Variants in PHKA1 observed in about 807,000 individuals in gnomAD.
PHKA1 encodes the protein phosphorylase b kinase regulatory subunit alpha, skeletal muscle isoform.
In PHKA1, 60 loss-of-function variants were observed where a neutral mutation model predicts 110.2. That is an observed-to-expected ratio of 0.54 (90% CI 0.44 to 0.68). The LOEUF is 0.68. Among genes scored for constraint, PHKA1 ranks in the 30% least tolerant of loss-of-function variants. The pLI, the probability that PHKA1 is intolerant of heterozygous loss-of-function variation, is 0.00. For synonymous variants in PHKA1, 316 were observed against 333.6 expected, an observed-to-expected ratio of 0.95 and a Z score of 0.58; for missense variants, 801 against 942.5, an observed-to-expected ratio of 0.85 and a Z score of 1.97.
intron 26 of PHKA1, among the ~76,000 whole-genome samples, chrX:72,602,837 G>A (rs2052675369): frequency 8.9e-6 from 1 of 112,087 alleles, no homozygotes; most frequent in African/African-American, 3.2e-5. Context: ...GATATGGGTT[G>A]CTAGTTGTCC....
chrX:72,597,104 T>A (rs192159385), intron 28 of PHKA1, among the ~76,000 whole-genome samples: 121 of 111,994 alleles, frequency 1.1e-3, no homozygotes, highest in African/African-American at 3.9e-3. Flanking sequence ...ACACAAAAAT[T>A]AAGCCCATTG....
At position 72,609,718 on chromosome X, in the gene PHKA1, C is replaced by T. The variant is rs2052779282; in HGVS notation, c.2527-15G>A. ...TCTGTGCAGGCCTAACAAGAGATAG[C>T]ATAATATTATCGTTTCTGTAACACC... On this transcript the variant is annotated splice_polypyrimidine_tract_variant and intron_variant, in intron 22 of 31. Coordinates refer to ENST00000373542, the MANE Select transcript of PHKA1 (RefSeq NM_002637.4). 3 of 1,133,969 alleles carry T rather than the reference C, an allele frequency of 2.6e-6. No homozygotes were observed. The South Asian group carries it at 5.4e-5, about 21-fold the overall frequency. 93.5% of individuals were successfully genotyped at this position (1,133,969 alleles called of 1,213,427 possible).
At position 72,683,580 on chromosome X, in the gene PHKA1, TAATG is replaced by T. The variant is rs781874628; in HGVS notation, c.537+914_537+917del. Among the ~76,000 whole-genome samples the T allele has an allele frequency of 3.7e-3, 419 of 112,664 alleles. 1 individual carries two copies. The highest frequency in any genetic ancestry group is 0.013 in the African/African-American group (408 of 31,087). ...TTCATGCGTGAAACTATCATCATAA[TAATG>T]AATATTTGTAAAATTTCCAAAAGTC... On this transcript the variant is annotated intron_variant, in intron 5 of 31. Transcript: ENST00000373542.
At chrX:72,607,554 A>C (rs1326425929) in intron 23 of PHKA1, among the ~76,000 whole-genome samples, 1 of 111,818 alleles carries the variant, frequency 8.9e-6, no homozygotes, top group Non-Finnish European at 1.9e-5. Flanking sequence ...CCATTTGCCC[A>C]TTTTTAAAAC....
intron 5 of PHKA1, among the ~76,000 whole-genome samples, chrX:72,682,230 A>T (rs2053900262): frequency 1.2e-5 from 1 of 83,003 alleles, no homozygotes; most frequent in African/African-American, 4.4e-5. Flanking sequence ...CCCGTCCGGG[A>T]GGGAGGTTGG....
chrX:72,694,445 A>G (rs1255277529), intron 4 of PHKA1, among the ~76,000 whole-genome samples: 1 of 112,030 alleles, frequency 8.9e-6, no homozygotes, highest in Middle Eastern at 4.2e-3. Flanking sequence ...GCTAGTCCCA[A>G]CCTTCTAGTT....
intron 28 of PHKA1, among the ~76,000 whole-genome samples, chrX:72,600,088 G>A (rs1353079515): frequency 9.1e-6 from 1 of 110,076 alleles, no homozygotes; most frequent in Non-Finnish European, 1.9e-5. Context: ...AATCAGAAAA[G>A]AGGGCATTCT....
Position 72,611,009 on chromosome X carries a change from A to T in PHKA1, c.2526+19T>A. The T allele has an allele frequency of 8.5e-7, 1 of 1,172,645 alleles. No individual in the cohort carries two copies. The highest frequency in any genetic ancestry group is 1.8e-5 in the African/African-American group (1 of 57,050). ...GCACGCTTATTTAGATTTGGTATAA[A>T]TTCAAGAATTTATAGTACCTCATCA... On this transcript the variant is annotated intron_variant, in intron 22 of 31. Coordinates refer to ENST00000373542, the MANE Select transcript of PHKA1 (RefSeq NM_002637.4).
At chrX:72,588,342 C>T (rs995251828) in intron 29 of PHKA1, among the ~76,000 whole-genome samples, 3 of 111,792 alleles carry the variant, frequency 2.7e-5, no homozygotes, top group Admixed American at 9.5e-5. Flanking sequence ...GGGTACATAA[C>T]GAAATGACGG....
At chrX:72,635,370 C>T (rs1396467952) in intron 15 of PHKA1, 71 bp from the exon 16 acceptor site, 2 of 993,241 alleles carry the variant, frequency 2.0e-6, no homozygotes, top group Non-Finnish European at 2.8e-6. Context: ...TTAAACTACT[C>T]ATATATTCAG....
intron 3 of PHKA1, among the ~76,000 whole-genome samples, chrX:72,699,507 CAAAAAAAAAAA>C (rs1171276586): frequency 1.2e-4 from 2 of 16,943 alleles, no homozygotes; most frequent in African/African-American, 1.9e-4. Flanking sequence ...GACTCCATCT[CAAAAAAAAAAA>C]AAAAAAAAAA....
intron 11 of PHKA1, among the ~76,000 whole-genome samples, chrX:72,653,134 T>C (rs1188387589): frequency 1.8e-5 from 2 of 111,544 alleles, no homozygotes; most frequent in African/African-American, 6.5e-5. Context: ...AAATAGAGAA[T>C]ACCAAATCTT....
chrX:72,650,386 A>C lies in PHKA1; in HGVS notation c.1324+4T>G. On this transcript the variant is annotated splice_donor_region_variant and intron_variant, in intron 13 of 31. Transcript: ENST00000373542. ...TTTCTTCCACTGGGAATAAGAATAC[A>C]TACCTTGAACCACAACATCGGGCTT... The C allele has an allele frequency of 8.3e-7, 1 of 1,202,142 alleles. No homozygotes were observed. The highest frequency in any genetic ancestry group is 1.1e-6 in the Non-Finnish European group (1 of 886,628).
chrX:72,626,516 T>A (rs1233750530), intron 17 of PHKA1, among the ~76,000 whole-genome samples: 1 of 110,884 alleles, frequency 9.0e-6, no homozygotes, highest in African/African-American at 3.3e-5. Context: ...CTCCTCTAAG[T>A]AGGATGGGAT....
rs781856082 is a variant in PHKA1 at position 72,584,459 on chromosome X, C to T, written c.3244-157G>A. ...AGCAAGGGGCTCTGCAGTCCAAGTG[C>T]CCTTGCCATGGAGTTGTGATGCCTA... On this transcript the variant is annotated intron_variant, in intron 29 of 31. Coordinates refer to ENST00000373542, the MANE Select transcript of PHKA1 (RefSeq NM_002637.4). Among the ~76,000 whole-genome samples, 6 of 112,012 alleles carry T rather than the reference C, an allele frequency of 5.4e-5. No homozygotes were observed. The South Asian group carries it at 1.5e-3, about 28-fold the overall frequency.
At chrX:72,627,928 C>T (rs965863455) in intron 16 of PHKA1, among the ~76,000 whole-genome samples, 1 of 107,617 alleles carries the variant, frequency 9.3e-6, no homozygotes, top group Non-Finnish European at 1.9e-5. Flanking sequence ...CGCCATTCTC[C>T]GGCCTCAGCC....
chrX:72,618,190 C>T (rs2052925812), intron 21 of PHKA1, among the ~76,000 whole-genome samples: 1 of 111,783 alleles, frequency 8.9e-6, no homozygotes, highest in South Asian at 3.8e-4. Context: ...GTGACTACAA[C>T]ATGGAAAAGG....
intron 13 of PHKA1, among the ~76,000 whole-genome samples, chrX:72,648,590 T>C (rs2053389776): frequency 9.0e-6 from 1 of 111,180 alleles, no homozygotes; most frequent in African/African-American, 3.3e-5. Flanking sequence ...AATAGCTTTT[T>C]AGCAGGCCAG....
At chrX:72,687,883 G>A (rs782733724) in intron 4 of PHKA1, among the ~76,000 whole-genome samples, 2 of 104,170 alleles carry the variant, frequency 1.9e-5, no homozygotes, top group Admixed American at 1.1e-4. Flanking sequence ...CTGGAGTGCT[G>A]TGGCATGATC....
Sources: gnomAD v4.1 joint callset for allele counts (sites outside exome capture counted in the v4.1 genomes callset) on GRCh38, gnomAD v4.1.1 for gene constraint, MANE v1.5 for transcripts, NCBI Gene and HGNC (gene_info 2026-07-23, HGNC 2026-07-21) for gene names.